ACOX1: variants seen among roughly 807,000 people sequenced by gnomAD.
ACOX1 encodes acyl-CoA oxidase 1.
In ACOX1, 41 loss-of-function variants were observed where a neutral mutation model predicts 75.5. The ratio of observed to expected loss-of-function variants is 0.54; its 90% CI spans 0.42 to 0.70. ACOX1 has a LOEUF of 0.70. Ranked by LOEUF, ACOX1 falls within the 30% of genes least tolerant of loss-of-function variation. ACOX1 has a pLI of 0.00. For missense variants in ACOX1, 630 were observed against 837.5 expected (o/e 0.75, Z 3.06); for synonymous variants, 303 against 298.8 (o/e 1.01, Z -0.15).
At chr17:75,948,004 C>T (rs1229646462) in intron 13 of ACOX1, among the ~76,000 whole-genome samples, 1 of 152,040 alleles carries the variant, frequency 6.6e-6, no homozygotes, top group African/African-American at 2.4e-5. Flanking sequence ...AGGTGTGAGC[C>T]AACGCACCCG....
chr17:75,974,496 G>A (rs970204093), intron 2 of ACOX1, among the ~76,000 whole-genome samples: 4 of 152,200 alleles, frequency 2.6e-5, no homozygotes, highest in African/African-American at 9.7e-5. Context: ...CCTTGGCTGT[G>A]CTGTGTCATA....
At position 75,978,086 on chromosome 17, in the gene ACOX1, A is replaced by C. The variant is rs1405891609; in HGVS notation, c.269+448T>G. On this transcript the variant is annotated intron_variant, in intron 2 of 13. Transcript: ENST00000293217. The surrounding 1 kb of genome is among the most constrained non-coding windows in gnomAD (Gnocchi z 4.2). ...CATTATTTTTCACACATATAACTTT[A>C]TTTATTTATTTATTTATTTATTTTT... is the stretch of plus-strand genomic sequence containing the variant. 8.6e-6 allele frequency among the ~76,000 whole-genome samples: 1 copy of C among 116,310 alleles called. No homozygotes were observed. The highest frequency in any genetic ancestry group is 1.8e-5 in the Non-Finnish European group (1 of 57,024). The allele number at this position is 116,310 out of a possible 152,430, so 76.3% of individuals were successfully genotyped here.
chr17:75,947,980 A>G (rs2065737408), intron 13 of ACOX1, among the ~76,000 whole-genome samples: 1 of 152,010 alleles, frequency 6.6e-6, no homozygotes, highest in African/African-American at 2.4e-5. Context: ...GGCCTCCCAC[A>G]GTGCTGGGAT....
chr17:75,946,726 T>G lies in ACOX1; in HGVS notation c.*22A>C. Reference sequence around the variant, plus strand: ...GCACACAGGCGCTTTCTGAAGCAGATTAAACTTGTCCTTGTGACACTTCAG... The same window carrying G: ...GCACACAGGCGCTTTCTGAAGCAGAGTAAACTTGTCCTTGTGACACTTCAG... On this transcript the variant is annotated 3_prime_UTR_variant, in exon 14 of 14. Transcript: ENST00000293217. 1 of 1,612,418 alleles carries G rather than the reference T, an allele frequency of 6.2e-7. No individual in the cohort carries two copies. Among genetic ancestry groups the G allele is most frequent in the Non-Finnish European group, 8.5e-7 (1 of 1,178,536 alleles).
At chr17:75,964,008 A>C (rs1320287233) in intron 2 of ACOX1, among the ~76,000 whole-genome samples, 1 of 151,702 alleles carries the variant, frequency 6.6e-6, no homozygotes, top group Non-Finnish European at 1.5e-5. Context: ...ACATGGTGAA[A>C]CCCCATCTCT....
chr17:75,950,994 C>T lies in ACOX1; in HGVS notation c.1108-30G>A. The T allele has an allele frequency of 1.2e-6, 2 of 1,608,026 alleles. No homozygotes were observed. The highest frequency in any genetic ancestry group is 1.7e-6 in the Non-Finnish European group (2 of 1,175,976). On this transcript the variant is annotated intron_variant, in intron 8 of 13. Coordinates refer to ENST00000293217, the MANE Select transcript of ACOX1 (RefSeq NM_004035.7). The surrounding 1 kb of genome is among the most constrained non-coding windows in gnomAD (Gnocchi z 4.3). The stretch of plus-strand genomic sequence containing the variant: ...GAGGACAAGCACAGATCTGTCAGGA[C>T]ATCTGTGGTGCTGAGAGCCCGAGAA...
At chr17:75,974,817 G>C (rs922519045) in intron 2 of ACOX1, among the ~76,000 whole-genome samples, 2 of 151,946 alleles carry the variant, frequency 1.3e-5, no homozygotes, top group African/African-American at 4.8e-5. Flanking sequence ...TGGATCACGA[G>C]GTCAGGAGAT....
chr17:75,949,981 G>A (rs1375859694), intron 9 of ACOX1, 84 bp from the exon 10 acceptor site: 1 of 1,476,580 alleles, frequency 6.8e-7, no homozygotes, highest in Non-Finnish European at 9.3e-7. Flanking sequence ...TGTTGCCTAG[G>A]CTGGATGGAG....
intron 13 of ACOX1, 67 bp from the exon 14 acceptor site, chr17:75,946,862 T>A: frequency 1.4e-6 from 2 of 1,414,118 alleles, no homozygotes; most frequent in Non-Finnish European, 2.0e-6. Flanking sequence ...ATACTGTTTT[T>A]TGTTTTTGTT....
Position 75,978,871 on chromosome 17 carries a change from A to T in ACOX1, c.109+94T>A. 6.3e-7 allele frequency: 1 copy of T among 1,598,904 alleles called. No homozygotes were observed. The highest frequency in any genetic ancestry group is 8.5e-7 in the Non-Finnish European group (1 of 1,176,790). ...GTCCCGGCTCCCCTAACGCTGGGCC[A>T]GAGGGCCTAGGCCCCACAGCGCCCC... On this transcript the variant is annotated intron_variant, in intron 1 of 13. Transcript: ENST00000293217. This position sits in a 1 kb window ranked among gnomAD's most constrained non-coding sequence, Gnocchi z 4.2.
Position 75,978,392 on chromosome 17 carries a change from C to G in ACOX1, c.269+142G>C. The G allele has an allele frequency of 8.3e-7, 1 of 1,200,210 alleles. No individual in the cohort carries two copies. Among genetic ancestry groups the G allele is most frequent in the Non-Finnish European group, 1.2e-6 (1 of 829,274 alleles). 74.3% of individuals were successfully genotyped at this position (1,200,210 alleles called of 1,614,324 possible). On this transcript the variant is annotated intron_variant, in intron 2 of 13. Transcript: ENST00000293217. The surrounding 1 kb of genome is among the most constrained non-coding windows in gnomAD (Gnocchi z 4.2). ...ACAGGCGTGAGCCACCGCGCCCGGC[C>G]ACACATATAACTTTATAAAGTTGCA...
chr17:75,977,611 G>GA (rs925863394), intron 2 of ACOX1, among the ~76,000 whole-genome samples: 1 of 152,062 alleles, frequency 6.6e-6, no homozygotes, highest in Non-Finnish European at 1.5e-5. Flanking sequence ...CACATGGTCT[G>GA]AAAAAAGGAT....
At chr17:75,948,521 C>T (rs1268545068) in intron 12 of ACOX1, 64 bp from the exon 13 acceptor site, 1 of 1,317,914 alleles carries the variant, frequency 7.6e-7, no homozygotes, top group South Asian at 1.2e-5. Context: ...TAATTATATG[C>T]ATATACAGCT....
intron 13 of ACOX1, 128 bp from the exon 14 acceptor site, chr17:75,946,923 C>A: frequency 1.2e-6 from 1 of 830,326 alleles, no homozygotes; most frequent in Non-Finnish European, 2.0e-6. Flanking sequence ...GGCTGGAGTG[C>A]AGTGGCACAA....
intron 2 of ACOX1, among the ~76,000 whole-genome samples, chr17:75,971,245 C>T (rs375124359): frequency 4.8e-4 from 72 of 150,596 alleles, no homozygotes; most frequent in Middle Eastern, 3.4e-3. Flanking sequence ...GAGCCGAGAT[C>T]GCGCCATTGC....
At position 75,949,529 on chromosome 17, in the gene ACOX1, T is replaced by A. The variant is rs768128743; in HGVS notation, c.1550A>T (p.Asn517Ile). 1.2e-6 allele frequency: 2 copies of A among 1,614,164 alleles called. No individual in the cohort carries two copies. Among genetic ancestry groups the A allele is most frequent in the South Asian group, 2.2e-5 (2 of 91,078 alleles). ...IHRKSKEVAWNLTSVDLVRAS... is the reference protein window; with the variant it reads ...IHRKSKEVAWILTSVDLVRAS... The stretch of plus-strand genomic sequence containing the variant: ...TCGAACAAGGTCAACAGAAGTTAGG[T>A]TCCAAGCTACCTCCTTGCTTTTTCT... The change falls in exon 11 of 14, where the codon AAC becomes ATC. Residue 517 changes from asparagine (N) to isoleucine (I), a missense_variant. Transcript: ENST00000293217.
chr17:75,964,415 C>T (rs1342091542), intron 2 of ACOX1, among the ~76,000 whole-genome samples: 1 of 152,118 alleles, frequency 6.6e-6, no homozygotes, highest in East Asian at 1.9e-4. Flanking sequence ...CACTAGAAAT[C>T]AGAGCAATTC....
intron 3 of ACOX1, among the ~76,000 whole-genome samples, chr17:75,958,842 T>G (rs2065863951): frequency 6.6e-6 from 1 of 150,894 alleles, no homozygotes; most frequent in Admixed American, 6.6e-5. Context: ...AAAGTATAAC[T>G]GTTATTGGGG....
In ACOX1 at chr17:75,949,177, AAAC is replaced by A. The variant is rs759071603; in HGVS notation, c.1728+37_1728+39del. On this transcript the variant is annotated intron_variant, in intron 12 of 13. Coordinates refer to ENST00000293217, the MANE Select transcript of ACOX1 (RefSeq NM_004035.7). The stretch of plus-strand genomic sequence containing the variant: ...GCCCAGCCAACAATTATTTTTCTTA[AAAC>A]AACAACAAAAAAGACTTATACTTAG... 9 of 1,613,068 alleles carry A rather than the reference AAAC, an allele frequency of 5.6e-6. No homozygotes were observed. The East Asian group carries it at 6.7e-5, about 12-fold the overall frequency.
Sources: gnomAD v4.1 joint callset for allele counts (sites outside exome capture counted in the v4.1 genomes callset) on GRCh38, gnomAD v4.1.1 for gene constraint, Gnocchi (gnomAD v3.1) non-coding constraint, MANE v1.5 for transcripts, NCBI Gene and HGNC (gene_info 2026-07-23, HGNC 2026-07-21) for gene names.